Variants in GLRA3 observed in about 807,000 individuals in gnomAD.
GLRA3 encodes glycine receptor subunit alpha-3.
GLRA3 carries 44 observed loss-of-function variants against 60.4 expected under a neutral mutation model. That is an observed-to-expected ratio of 0.73 (90% CI 0.57 to 0.94). The LOEUF is 0.94. Ranked by LOEUF, GLRA3 falls within the 40% of genes least tolerant of loss-of-function variation. The pLI, the probability that GLRA3 is intolerant of heterozygous loss-of-function variation, is 0.00. For synonymous variants in GLRA3, 223 were observed against 192.9 expected (o/e 1.16, Z -1.29); for missense variants, 508 against 564.6 (o/e 0.90, Z 1.02).
intron 1 of GLRA3, among the ~76,000 whole-genome samples, chr4:174,828,137 A>G (rs1039946544): frequency 1.3e-5 from 2 of 152,170 alleles, no homozygotes; most frequent in Non-Finnish European, 2.9e-5. Context: ...TGGCTTTGTT[A>G]TAATATTACT....
At chr4:174,657,584 C>G (rs1356495829) in intron 8 of GLRA3, among the ~76,000 whole-genome samples, 1 of 151,980 alleles carries the variant, frequency 6.6e-6, no homozygotes, top group African/African-American at 2.4e-5. Flanking sequence ...TGTGATACAG[C>G]ATTTGTACTG....
At chr4:174,806,136 T>C (rs1252642437) in intron 1 of GLRA3, among the ~76,000 whole-genome samples, 2 of 152,176 alleles carry the variant, frequency 1.3e-5, no homozygotes, top group African/African-American at 4.8e-5. Flanking sequence ...TTTTTAAATC[T>C]GGGATGTTCA....
In GLRA3 at chr4:174,754,073, A is replaced by G. The variant is rs1404587023; in HGVS notation, c.267+12890T>C. On this transcript the variant is annotated intron_variant, in intron 3 of 9. Coordinates refer to ENST00000274093, the MANE Select transcript of GLRA3 (RefSeq NM_006529.4). ...TAACAACATTATAGCACTAATAAAC[A>G]ATTGTATTCTCTATGATATTCTGTA... Among the ~76,000 whole-genome samples, 3 of 152,066 alleles carry G rather than the reference A, an allele frequency of 2.0e-5. No homozygotes were observed. In the East Asian group the frequency reaches 5.8e-4, roughly 29 times the overall value.
chr4:174,685,394 G>C (rs1388577001), intron 5 of GLRA3, among the ~76,000 whole-genome samples: 1 of 152,186 alleles, frequency 6.6e-6, no homozygotes, highest in Non-Finnish European at 1.5e-5. Context: ...GATCTCTTTA[G>C]ACTGTATGGG....
chr4:174,815,408 C>T (rs1399338280), intron 1 of GLRA3, among the ~76,000 whole-genome samples: 2 of 152,178 alleles, frequency 1.3e-5, no homozygotes, highest in Non-Finnish European at 2.9e-5. Context: ...CATAGCTCCA[C>T]TAGGTGATGT....
At chr4:174,722,840 C>T (rs1736182808) in intron 4 of GLRA3, 1 of 166,868 alleles carries the variant, frequency 6.0e-6, no homozygotes, top group Admixed American at 6.6e-5. Flanking sequence ...AACAAAGAAA[C>T]TGAAGATATG....
At chr4:174,702,361 G>T (rs556035713) in intron 5 of GLRA3, among the ~76,000 whole-genome samples, 2 of 152,084 alleles carry the variant, frequency 1.3e-5, no homozygotes, top group South Asian at 4.1e-4. Flanking sequence ...ACACTTATAG[G>T]CTACAGTACA....
chr4:174,693,540 C>T (rs1342313547), intron 5 of GLRA3, among the ~76,000 whole-genome samples: 1 of 151,984 alleles, frequency 6.6e-6, no homozygotes, highest in Admixed American at 6.6e-5. Flanking sequence ...TACCAGTACC[C>T]TGCTCTTTTG....
intron 7 of GLRA3, among the ~76,000 whole-genome samples, chr4:174,662,744 A>C (rs1265937604): frequency 6.6e-6 from 1 of 151,976 alleles, no homozygotes; most frequent in African/African-American, 2.4e-5. Context: ...ACTTTGCCCA[A>C]ATCTGGTTCA....
rs1394756085 is a variant in GLRA3 at position 174,639,282 on chromosome 4, C to T, written c.*4504G>A. 1 of 151,810 alleles carries T rather than the reference C, an allele frequency of 6.6e-6. No individual in the cohort carries two copies. The highest frequency in any genetic ancestry group is 6.6e-5 in the Admixed American group (1 of 15,214). 9.4% of individuals were successfully genotyped at this position (151,810 alleles called of 1,614,324 possible). ...CCAGGAATCACTTAATATTGCAAAA[C>T]ATATCACAGGATTATGAACCTTTGT... is the stretch of plus-strand genomic sequence containing the variant. On this transcript the variant is annotated 3_prime_UTR_variant, in exon 10 of 10. Transcript: ENST00000274093.
chr4:174,826,519 G>A (rs1056607618), intron 1 of GLRA3, among the ~76,000 whole-genome samples: 6 of 152,060 alleles, frequency 3.9e-5, no homozygotes, highest in African/African-American at 1.4e-4. Flanking sequence ...TGTTCCCTTT[G>A]TAAAACTTTA....
chr4:174,796,827 G>A (rs568368248), intron 1 of GLRA3, among the ~76,000 whole-genome samples: 23 of 152,130 alleles, frequency 1.5e-4, no homozygotes, highest in East Asian at 7.8e-4. Flanking sequence ...AAGCCACCGC[G>A]CCTGGCCCCT....
intron 7 of GLRA3, among the ~76,000 whole-genome samples, chr4:174,673,413 G>T (rs1274541677): frequency 6.6e-6 from 1 of 152,000 alleles, no homozygotes; most frequent in Non-Finnish European, 1.5e-5. Flanking sequence ...CAACCCTGAT[G>T]AAATGAATCC....
chr4:174,828,066 A>G (rs1302563952), intron 1 of GLRA3, among the ~76,000 whole-genome samples: 1 of 152,130 alleles, frequency 6.6e-6, no homozygotes, highest in Admixed American at 6.5e-5. Flanking sequence ...TTTTAAGCCT[A>G]CCAAATATGA....
intron 1 of GLRA3, among the ~76,000 whole-genome samples, chr4:174,796,118 G>T (rs1455154732): frequency 1.3e-5 from 2 of 152,082 alleles, no homozygotes; most frequent in Non-Finnish European, 2.9e-5. Context: ...TTTGGGAGGA[G>T]ATTCGGTCAT....
chr4:174,708,987 C>A (rs1038672800), intron 5 of GLRA3, among the ~76,000 whole-genome samples: 3 of 151,786 alleles, frequency 2.0e-5, no homozygotes, highest in African/African-American at 7.3e-5. Flanking sequence ...GTAGTTGTAC[C>A]TCTTTCTCTT....
At chr4:174,778,516 C>T (rs898407911) in intron 2 of GLRA3, among the ~76,000 whole-genome samples, 2 of 152,118 alleles carry the variant, frequency 1.3e-5, no homozygotes, top group Admixed American at 1.3e-4. Flanking sequence ...CAGCTCCCAG[C>T]GTGACCGATG....
chr4:174,695,909 A>T (rs1735032961), intron 5 of GLRA3, among the ~76,000 whole-genome samples: 1 of 152,156 alleles, frequency 6.6e-6, no homozygotes, highest in South Asian at 2.1e-4. Flanking sequence ...TACAAAATCA[A>T]TGTACAAAAA....
chr4:174,770,455 C>G (rs1016483568), intron 2 of GLRA3, among the ~76,000 whole-genome samples: 3 of 151,980 alleles, frequency 2.0e-5, no homozygotes, highest in Admixed American at 6.6e-5. Context: ...TAGAAAAATA[C>G]AGAGAGAGGA....
Sources: gnomAD v4.1 joint callset for allele counts (sites outside exome capture counted in the v4.1 genomes callset) on GRCh38, gnomAD v4.1.1 for gene constraint, MANE v1.5 for transcripts, NCBI Gene and HGNC (gene_info 2026-07-23, HGNC 2026-07-21) for gene names.